Variants in FRMD4A observed in about 807,000 individuals in gnomAD.
FRMD4A encodes FERM domain-containing protein 4A.
FRMD4A carries 29 observed loss-of-function variants against 129.1 expected under a neutral mutation model. That is an observed-to-expected ratio of 0.22 (90% confidence interval 0.17 to 0.31). FRMD4A has a LOEUF of 0.31. FRMD4A is among the 10% of genes least tolerant of loss of function. The probability of loss-of-function intolerance (pLI) is 1.00; values close to 1 mark genes in which losing one functional copy is unlikely to be tolerated. For missense variants in FRMD4A, 1,272 were observed against 1,375.8 expected (o/e 0.92, Z 1.19); for synonymous variants, 634 against 571.6 (o/e 1.11, Z -1.56).
chr10:14,140,416 C>T (rs151096211), intron 2 of FRMD4A, among the ~76,000 whole-genome samples: 1 of 152,276 alleles, frequency 6.6e-6, no homozygotes, highest in African/African-American at 2.4e-5. Context: ...CAGGAAATGT[C>T]TCGAACGTTT....
chr10:14,032,999 C>T (rs1388012623), intron 2 of FRMD4A, among the ~76,000 whole-genome samples: 1 of 152,156 alleles, frequency 6.6e-6, no homozygotes, highest in African/African-American at 2.4e-5. Flanking sequence ...CGAGGCTCCA[C>T]TACGTTCTTT....
intron 17 of FRMD4A, chr10:13,667,905 T>G (rs1304560961): frequency 6.6e-6 from 1 of 152,178 alleles, no homozygotes; most frequent in Non-Finnish European, 1.5e-5. Context: ...CATCTTGCCC[T>G]AGGAAATTCA....
At chr10:13,955,462 C>T (rs555380223) in intron 2 of FRMD4A, among the ~76,000 whole-genome samples, 1 of 152,292 alleles carries the variant, frequency 6.6e-6, no homozygotes, top group East Asian at 1.9e-4. Flanking sequence ...ACTCCTAATC[C>T]AAGTCACTGA....
chr10:13,893,799 C>A (rs752019856), intron 2 of FRMD4A, among the ~76,000 whole-genome samples: 1 of 152,208 alleles, frequency 6.6e-6, no homozygotes, highest in Non-Finnish European at 1.5e-5. Context: ...GCGTGAGCCA[C>A]CGCACCCAGC....
intron 2 of FRMD4A, among the ~76,000 whole-genome samples, chr10:13,881,743 G>A (rs1164561013): frequency 6.6e-6 from 1 of 151,900 alleles, no homozygotes; most frequent in Non-Finnish European, 1.5e-5. Context: ...GGAGGCATGT[G>A]AACAGGTCGT....
At chr10:13,669,834 G>A (rs980442341) in intron 17 of FRMD4A, among the ~76,000 whole-genome samples, 1 of 152,112 alleles carries the variant, frequency 6.6e-6, no homozygotes, top group African/African-American at 2.4e-5. Context: ...ATCTTCACCC[G>A]TGTTCAGTCC....
intron 9 of FRMD4A, among the ~76,000 whole-genome samples, chr10:13,743,800 G>A (rs2091143942): frequency 6.6e-6 from 1 of 152,012 alleles, no homozygotes; most frequent in Admixed American, 6.5e-5. Flanking sequence ...GCTCAATCCT[G>A]ACCGAGAACC....
At chr10:14,033,013 G>T (rs1472241209) in intron 2 of FRMD4A, among the ~76,000 whole-genome samples, 2 of 152,148 alleles carry the variant, frequency 1.3e-5, no homozygotes, top group Non-Finnish European at 2.9e-5. Flanking sequence ...GTTCTTTTAA[G>T]ATAATTGTAT....
intron 2 of FRMD4A, among the ~76,000 whole-genome samples, chr10:14,299,704 G>A (rs902935156): frequency 5.9e-5 from 9 of 152,118 alleles, no homozygotes; most frequent in Non-Finnish European, 1.0e-4. Flanking sequence ...TCAATGAGCC[G>A]CCTCAGACAA....
intron 2 of FRMD4A, among the ~76,000 whole-genome samples, chr10:14,082,480 T>C (rs879527967): frequency 2.6e-5 from 4 of 152,114 alleles, no homozygotes; most frequent in Non-Finnish European, 5.9e-5. Context: ...ACATTGAGGA[T>C]CCTGGAAATG....
chr10:14,057,039 C>A (rs1424238020), intron 2 of FRMD4A, among the ~76,000 whole-genome samples: 2 of 152,146 alleles, frequency 1.3e-5, no homozygotes, highest in African/African-American at 4.8e-5. Flanking sequence ...TTCTGTATCT[C>A]TTCTGGCTTG....
At chr10:14,123,358 T>C (rs1393781243) in intron 2 of FRMD4A, among the ~76,000 whole-genome samples, 1 of 152,210 alleles carries the variant, frequency 6.6e-6, no homozygotes, top group Admixed American at 6.5e-5. Flanking sequence ...CATGCCAGCA[T>C]CTTTGGGTTT....
At chr10:13,905,646 T>C (rs1210561091) in intron 2 of FRMD4A, among the ~76,000 whole-genome samples, 1 of 152,234 alleles carries the variant, frequency 6.6e-6, no homozygotes, top group African/African-American at 2.4e-5. Context: ...TATCTATAAT[T>C]TCTGTGGCAA....
At chr10:14,042,141 A>C (rs1291269430) in intron 2 of FRMD4A, among the ~76,000 whole-genome samples, 1 of 152,218 alleles carries the variant, frequency 6.6e-6, no homozygotes, top group Non-Finnish European at 1.5e-5. Flanking sequence ...CGTAATAAAG[A>C]AATCGATGTA....
chr10:13,701,459 T>C lies in FRMD4A; in HGVS notation c.856A>G (p.Thr286Ala). 2 of 1,613,546 alleles carry C rather than the reference T, an allele frequency of 1.2e-6. No homozygotes were observed. Among genetic ancestry groups the C allele is most frequent in the Non-Finnish European group, 1.7e-6 (2 of 1,179,680 alleles). ...ACTGCAATGCCGCTGTGCCCAAACG[T>C]CCTCCTTGTCACTGAAGCCCTGGGG... ...DPRRASVTRR[T>A]FGHSGIAVHT... Residue 286 changes from threonine (T) to alanine (A), a missense_variant, in exon 14 of 25, where the codon ACG (threonine) becomes GCG (alanine). Thr to Ala is a moderately conservative substitution (Grantham distance 58). Transcript: ENST00000357447.
intron 2 of FRMD4A, among the ~76,000 whole-genome samples, chr10:14,005,558 T>C (rs1231627828): frequency 2.0e-5 from 3 of 152,238 alleles, no homozygotes; most frequent in African/African-American, 2.4e-5. Flanking sequence ...CTGGAAATCA[T>C]GTTCTTCTCT....
intron 2 of FRMD4A, among the ~76,000 whole-genome samples, chr10:14,303,406 C>T (rs898450878): frequency 6.6e-6 from 1 of 152,144 alleles, no homozygotes; most frequent in African/African-American, 2.4e-5. Flanking sequence ...GGGCTGTGGG[C>T]GCTAGGGCCT....
At position 13,852,995 on chromosome 10, in the gene FRMD4A, A is replaced by T. The variant is rs148588542; in HGVS notation, c.111+5852T>A. On this transcript the variant is annotated intron_variant, in intron 3 of 24. Coordinates refer to ENST00000357447, the MANE Select transcript of FRMD4A (RefSeq NM_018027.5). The stretch of plus-strand genomic sequence containing the variant: ...ACACAGACTAGTCACAGTTTGCTCC[A>T]CTTCTTGGAATCATAGGGACGCTTT... Among the ~76,000 whole-genome samples, 9 of 152,218 alleles carry T rather than the reference A, an allele frequency of 5.9e-5. No individual in the cohort carries two copies. In the East Asian group the frequency reaches 1.7e-3, roughly 29 times the overall value.
At chr10:13,743,522 A>G (rs1217363134) in intron 9 of FRMD4A, among the ~76,000 whole-genome samples, 1 of 152,190 alleles carries the variant, frequency 6.6e-6, no homozygotes, top group African/African-American at 2.4e-5. Flanking sequence ...CACTGTAGCC[A>G]TGAACACACA....
Sources: gnomAD v4.1 joint callset for allele counts (sites outside exome capture counted in the v4.1 genomes callset) on GRCh38, gnomAD v4.1.1 for gene constraint, MANE v1.5 for transcripts, NCBI Gene and HGNC (gene_info 2026-07-23, HGNC 2026-07-21) for gene names.